Variants in SGO2 observed in about 807,000 individuals in gnomAD.
SGO2 encodes shugoshin-like 2.
A neutral mutation model predicts 99.5 loss-of-function variants in SGO2; 68 were observed. The ratio of observed to expected loss-of-function variants is 0.68; its 90% CI spans 0.56 to 0.84. The LOEUF is 0.84. Among genes scored for constraint, SGO2 ranks in the 40% least tolerant of loss-of-function variants. The pLI, the probability that SGO2 is intolerant of heterozygous loss-of-function variation, is 0.00. For synonymous variants in SGO2, 457 were observed against 487.1 expected (o/e 0.94, Z 0.81); for missense variants, 1,350 against 1,436.7 (o/e 0.94, Z 0.97).
At chr2:200,548,715 G>A (rs942090751) in intron 5 of SGO2, among the ~76,000 whole-genome samples, 12 of 152,012 alleles carry the variant, frequency 7.9e-5, no homozygotes, top group African/African-American at 2.9e-4. Flanking sequence ...TAGCTAGACT[G>A]AGAGAGAGGA....
rs777061908 is a variant in SGO2, at chr2:200,572,022, A to G, written c.1676A>G (p.Tyr559Cys). The G allele has an allele frequency of 8.1e-6, 13 of 1,612,496 alleles. No homozygotes were observed. ...LPNQKDKVTIYENLDVTNEFH... is the reference protein window; with the variant it reads ...LPNQKDKVTICENLDVTNEFH... ...AACCAAAAGGATAAAGTAACCATTT[A>G]TGAAAACCTAGACGTCACAAATGAA... Residue 559 changes from tyrosine to cysteine, a missense_variant, in exon 7 of 9, where the codon TAT becomes TGT. Coordinates refer to ENST00000357799, the MANE Select transcript of SGO2 (RefSeq NM_152524.6).
In SGO2 at chr2:200,572,941, T is replaced by C. The variant is rs1262125463; in HGVS notation, c.2595T>C (p.Val865=). The C allele has an allele frequency of 1.9e-6, 3 of 1,598,254 alleles. No individual in the cohort carries two copies. The East Asian group carries it at 6.7e-5, about 36-fold the overall frequency. The change falls in exon 7 of 9, where the codon GTT becomes GTC. Residue 865 remains valine (V), a synonymous_variant. Transcript: ENST00000357799. Reference sequence around the variant, plus strand: ...AAGTCACAAATGAATTTCAAACAGTTGATCTTCTCATCAAAGATAATGGAA... The same window carrying C: ...AAGTCACAAATGAATTTCAAACAGTCGATCTTCTCATCAAAGATAATGGAA... The part of the protein sequence containing the change: ...NLQVTNEFQT[V]DLLIKDNGNL...
At chr2:200,561,884 C>T (rs553915641) in intron 5 of SGO2, among the ~76,000 whole-genome samples, 3 of 152,280 alleles carry the variant, frequency 2.0e-5, no homozygotes, top group African/African-American at 7.2e-5. Flanking sequence ...TTATCCTTCA[C>T]CCACTTTTTG....
chr2:200,581,743 T>C (rs991850429), intron 8 of SGO2, among the ~76,000 whole-genome samples: 1 of 152,192 alleles, frequency 6.6e-6, no homozygotes, highest in Non-Finnish European at 1.5e-5. Flanking sequence ...ATACTGAATG[T>C]TGTGGCTTTT....
At chr2:200,562,983 T>C (rs897903672) in intron 5 of SGO2, among the ~76,000 whole-genome samples, 2 of 152,230 alleles carry the variant, frequency 1.3e-5, no homozygotes, top group Admixed American at 6.5e-5. Context: ...TTTTTTTAAA[T>C]ATACAATCAT....
At position 200,573,626 on chromosome 2, in the gene SGO2, G is replaced by GA; in HGVS notation, c.3282dup (p.Val1095SerfsTer7). On this transcript the variant is annotated frameshift_variant, in exon 7 of 9. Transcript: ENST00000357799. LOFTEE classifies it high-confidence loss of function. ...CATAGATCCTTCTCCAGAGAGCCAT[G>GA]AAGTAATGGAAAGAATACTTGACAG... 4 of 1,612,682 alleles carry GA rather than the reference G, an allele frequency of 2.5e-6. No homozygotes were observed. Among genetic ancestry groups the GA allele is most frequent in the Non-Finnish European group, 2.5e-6 (3 of 1,179,376 alleles).
At chr2:200,535,583 C>A (rs996807298) in intron 3 of SGO2, among the ~76,000 whole-genome samples, 1 of 152,080 alleles carries the variant, frequency 6.6e-6, no homozygotes, top group Non-Finnish European at 1.5e-5. Context: ...ATAGTTGTTT[C>A]TTTTCCTTCC....
intron 5 of SGO2, 144 bp downstream of exon 5, chr2:200,542,808 G>C (rs913332134): frequency 3.9e-5 from 22 of 562,146 alleles, no homozygotes; most frequent in African/African-American, 3.6e-4. Flanking sequence ...GTAGTGTCTT[G>C]CTATAGGTTG....
rs1270630466 is a variant in SGO2, at chr2:200,583,559, G to T, written c.*95G>T. 3.3e-6 allele frequency: 4 copies of T among 1,211,156 alleles called. No individual in the cohort carries two copies. The highest frequency in any genetic ancestry group is 2.5e-5 in the East Asian group (1 of 39,316). The allele number at this position is 1,211,156 out of a possible 1,614,324, so 75.0% of individuals were successfully genotyped here. A position where few individuals can be genotyped will look rare whatever the true frequency, so the allele number is the denominator to read the frequency against. ...AAGAAGATGAAATGCTTAATGAAAA[G>T]GTTTTTTTTTTGTTTCTTTGGCCTT... On this transcript the variant is annotated 3_prime_UTR_variant, in exon 9 of 9. Coordinates refer to ENST00000357799, the MANE Select transcript of SGO2 (RefSeq NM_152524.6).
rs761718857 is a variant in SGO2 at position 200,571,259 on chromosome 2, T to C, written c.913T>C (p.Leu305=). Residue 305 remains leucine, a synonymous_variant, in exon 7 of 9, where the codon TTA becomes CTA. Transcript: ENST00000357799. ...TAAACAACACATTTCAAGTCCAGAA[T>C]TAAATTGCAATAATGAGATAAATGG... is the stretch of plus-strand genomic sequence containing the variant. ...LDKQHISSPE[L]NCNNEINGHT... The C allele has an allele frequency of 6.8e-6, 11 of 1,613,438 alleles. No individual in the cohort carries two copies. The highest frequency in any genetic ancestry group is 8.5e-6 in the Non-Finnish European group (10 of 1,179,632).
Position 200,573,164 on chromosome 2 carries a change from G to T in SGO2, c.2818G>T (p.Asp940Tyr), listed in dbSNP as rs768964073. ...ACATGTCCAAGAAAGCTATACAAAAGATCTTGATTTTAAAGTAAATAAATC... is the reference window on the plus strand; with the variant it reads ...ACATGTCCAAGAAAGCTATACAAAATATCTTGATTTTAAAGTAAATAAATC... ...DAHVQESYTKDLDFKVNKSKQ... is the reference protein window; with the variant it reads ...DAHVQESYTKYLDFKVNKSKQ... Residue 940 changes from aspartate to tyrosine, a missense_variant, in exon 7 of 9, where the codon GAT becomes TAT. Physicochemically the swap from Asp to Tyr is radical, Grantham distance 160 (BLOSUM62 -3). Coordinates refer to ENST00000357799, the MANE Select transcript of SGO2 (RefSeq NM_152524.6). 5 of 1,586,540 alleles carry T rather than the reference G, an allele frequency of 3.2e-6. No individual in the cohort carries two copies. Among genetic ancestry groups the T allele is most frequent in the Admixed American group, 3.8e-5 (2 of 52,212 alleles).
intron 5 of SGO2, among the ~76,000 whole-genome samples, chr2:200,553,471 G>A (rs1443357911): frequency 2.6e-5 from 4 of 152,150 alleles, no homozygotes; most frequent in Admixed American, 2.6e-4. Flanking sequence ...GGAATAAGCA[G>A]AGTCAGTCTA....
intron 5 of SGO2, among the ~76,000 whole-genome samples, chr2:200,548,036 C>T (rs899162111): frequency 1.3e-5 from 2 of 150,142 alleles, no homozygotes; most frequent in African/African-American, 2.5e-5. Flanking sequence ...GACTGCAATA[C>T]AGTAATAGTA....
At position 200,572,846 on chromosome 2, in the gene SGO2, C is replaced by A. The variant is rs759809128; in HGVS notation, c.2500C>A (p.His834Asn). Residue 834 changes from histidine (H) to asparagine (N), a missense_variant, in exon 7 of 9, where the codon CAT becomes AAT. Coordinates refer to ENST00000357799, the MANE Select transcript of SGO2 (RefSeq NM_152524.6). The part of the protein sequence containing the change: ...QIYENDNKGV[H>N]DLEKDNFFSL... ...ATATGAGAATGATAACAAAGGTGTACATGACCTAGAAAAAGATAACTTCTT... is the reference window on the plus strand; with the variant it reads ...ATATGAGAATGATAACAAAGGTGTAAATGACCTAGAAAAAGATAACTTCTT... 4 of 1,600,462 alleles carry A rather than the reference C, an allele frequency of 2.5e-6. No homozygotes were observed. Among genetic ancestry groups the A allele is most frequent in the Non-Finnish European group, 2.6e-6 (3 of 1,176,152 alleles).
At chr2:200,550,694 A>C (rs564686413) in intron 5 of SGO2, among the ~76,000 whole-genome samples, 31 of 152,318 alleles carry the variant, frequency 2.0e-4, no homozygotes, top group African/African-American at 7.5e-4. Context: ...ATCAAAATGG[A>C]TAAAAGATTT....
At chr2:200,555,433 A>AGGGTCCCATTAATTT (rs2032667158) in intron 5 of SGO2, among the ~76,000 whole-genome samples, 1 of 152,188 alleles carries the variant, frequency 6.6e-6, no homozygotes, top group African/African-American at 2.4e-5. Context: ...CCCCAAATTA[A>AGGGTCCCATTAATTT]GGGTCCCATT....
chr2:200,544,891 G>T (rs2032140541), intron 5 of SGO2, among the ~76,000 whole-genome samples: 1 of 152,140 alleles, frequency 6.6e-6, no homozygotes, highest in South Asian at 2.1e-4. Flanking sequence ...GGGATGTATA[G>T]TGGTATCATT....
Position 200,573,158 on chromosome 2 carries a change from AC to A in SGO2, c.2813del (p.Thr938LysfsTer8). 6.3e-7 allele frequency: 1 copy of A among 1,586,706 alleles called. No individual in the cohort carries two copies. The highest frequency in any genetic ancestry group is 8.5e-7 in the Non-Finnish European group (1 of 1,172,952). ...AGATGCACATGTCCAAGAAAGCTAT[AC>A]AAAAGATCTTGATTTTAAAGTAAAT... ...DKDAHVQESY[T>X]KDLDFKVNKS... On this transcript the variant is annotated frameshift_variant, in exon 7 of 9. Coordinates refer to ENST00000357799, the MANE Select transcript of SGO2 (RefSeq NM_152524.6). LOFTEE classifies it high-confidence loss of function.
At chr2:200,565,643 A>T (rs1195669941) in intron 5 of SGO2, among the ~76,000 whole-genome samples, 1 of 152,188 alleles carries the variant, frequency 6.6e-6, no homozygotes, top group Admixed American at 6.5e-5. Context: ...CCTGGATAAT[A>T]TCCGGAAGAG....
Sources: allele counts gnomAD v4.1 joint callset (sites outside exome capture counted in the v4.1 genomes callset), GRCh38; gene constraint gnomAD v4.1.1; transcripts MANE v1.5; gene names NCBI Gene and HGNC (gene_info 2026-07-23, HGNC 2026-07-21).